UBR2: variants seen among roughly 807,000 people sequenced by gnomAD.
The protein encoded by UBR2 is E3 ubiquitin-protein ligase UBR2.
UBR2 carries 92 observed loss-of-function variants against 247.9 expected under a neutral mutation model. The observed-to-expected ratio is 0.37, with a 90% CI of 0.31 to 0.44. The LOEUF (loss-of-function observed/expected upper bound fraction) is 0.44, where lower values mean the gene tolerates loss of function less well. Ranked by LOEUF, UBR2 falls within the 20% of genes least tolerant of loss-of-function variation. The pLI is 1.00. For missense variants in UBR2, 1,613 were observed against 2,112.6 expected (o/e 0.76, Z 4.64); for synonymous variants, 672 against 693.5 (o/e 0.97, Z 0.49).
chr6:42,590,244 T>C (rs957145039), intron 2 of UBR2, among the ~76,000 whole-genome samples: 1 of 152,234 alleles, frequency 6.6e-6, no homozygotes, highest in African/African-American at 2.4e-5. Context: ...TTTAGACAAA[T>C]CACTAAGATC....
intron 2 of UBR2, among the ~76,000 whole-genome samples, chr6:42,584,790 C>T (rs889657970): frequency 1.3e-5 from 2 of 151,842 alleles, no homozygotes; most frequent in East Asian, 1.9e-4. Context: ...TTTTAGTGTC[C>T]GTTTATTTTC....
intron 17 of UBR2, 97 bp downstream of exon 17, chr6:42,641,789 T>C: frequency 1.1e-6 from 1 of 886,670 alleles, no homozygotes; most frequent in East Asian, 2.8e-5. Context: ...AAGCTGAGTA[T>C]CTATATTAAA....
At chr6:42,622,826 C>T (rs1795080331) in intron 11 of UBR2, among the ~76,000 whole-genome samples, 1 of 146,262 alleles carries the variant, frequency 6.8e-6, no homozygotes, top group Admixed American at 6.9e-5. Context: ...TTCATTTATT[C>T]TAATGGTTTA....
At chr6:42,690,961 C>T in intron 46 of UBR2, 71 bp from the exon 47 acceptor site, 1 of 1,566,928 alleles carries the variant, frequency 6.4e-7, no homozygotes, top group Non-Finnish European at 8.7e-7. Context: ...TTGCCTAAAT[C>T]AGGAAGGGTT....
chr6:42,651,993 C>T (rs761121765), intron 23 of UBR2, 30 bp from the exon 24 acceptor site: 23 of 1,568,968 alleles, frequency 1.5e-5, no homozygotes, highest in Non-Finnish European at 2.0e-5. Context: ...ATTACTAATT[C>T]CCGGTCCAAA....
At chr6:42,690,809 T>C (rs1181568583) in intron 46 of UBR2, among the ~76,000 whole-genome samples, 1 of 152,188 alleles carries the variant, frequency 6.6e-6, no homozygotes, top group East Asian at 1.9e-4. Context: ...GTCTGGTTTG[T>C]GTACCTTTCC....
intron 4 of UBR2, among the ~76,000 whole-genome samples, chr6:42,602,709 T>C (rs2151926809): frequency 6.7e-6 from 1 of 149,040 alleles, no homozygotes; most frequent in South Asian, 2.1e-4. Context: ...TATAAGAATA[T>C]TAAATACATA....
At chr6:42,683,183 C>T in intron 43 of UBR2, 72 bp downstream of exon 43, 3 of 1,265,240 alleles carry the variant, frequency 2.4e-6, no homozygotes, top group Middle Eastern at 1.9e-4. Flanking sequence ...GTGCTATATT[C>T]CTTCAGAAAC....
chr6:42,639,988 A>C (rs1277622551), intron 15 of UBR2, among the ~76,000 whole-genome samples: 1 of 152,222 alleles, frequency 6.6e-6, no homozygotes, highest in Non-Finnish European at 1.5e-5. Flanking sequence ...AGATCGCGCC[A>C]CTGCACTCCA....
At chr6:42,672,796 C>T (rs1798522357) in intron 36 of UBR2, among the ~76,000 whole-genome samples, 1 of 152,144 alleles carries the variant, frequency 6.6e-6, no homozygotes. Flanking sequence ...CTGCCTCCTT[C>T]CCCACTTTCT....
At chr6:42,611,396 G>A (rs1794075040) in intron 7 of UBR2, among the ~76,000 whole-genome samples, 1 of 150,756 alleles carries the variant, frequency 6.6e-6, no homozygotes, top group African/African-American at 2.4e-5. Context: ...GGGAGGCAGA[G>A]GTTACAGTGA....
chr6:42,602,738 G>A (rs990301222), intron 4 of UBR2, among the ~76,000 whole-genome samples: 2 of 143,470 alleles, frequency 1.4e-5, no homozygotes, highest in Non-Finnish European at 3.0e-5. Context: ...TTTGCACTAT[G>A]TTTTATTTTT....
intron 11 of UBR2, among the ~76,000 whole-genome samples, chr6:42,625,953 A>G (rs1488276503): frequency 1.3e-5 from 2 of 151,630 alleles, no homozygotes; most frequent in Non-Finnish European, 2.9e-5. Context: ...AGCTGGGACT[A>G]CAGGCACCCG....
intron 30 of UBR2, among the ~76,000 whole-genome samples, chr6:42,660,988 TTTG>T (rs766065459): frequency 2.0e-4 from 26 of 128,054 alleles, no homozygotes; most frequent in Admixed American, 4.7e-4. Context: ...TGTTTGTTTG[TTTG>T]TTTTTAAAAA....
chr6:42,567,479 C>G (rs1045001156), intron 1 of UBR2, among the ~76,000 whole-genome samples: 5 of 152,070 alleles, frequency 3.3e-5, no homozygotes, highest in Admixed American at 2.6e-4. Flanking sequence ...GCCTGTAATC[C>G]CAGCACTTTG....
intron 30 of UBR2, among the ~76,000 whole-genome samples, chr6:42,660,531 A>G (rs1162452123): frequency 6.6e-6 from 1 of 152,192 alleles, no homozygotes; most frequent in Non-Finnish European, 1.5e-5. Context: ...GGGAATTCCC[A>G]GAGCACTGCT....
intron 11 of UBR2, among the ~76,000 whole-genome samples, chr6:42,631,567 C>T (rs768767233): frequency 6.6e-6 from 1 of 152,036 alleles, no homozygotes; most frequent in African/African-American, 2.4e-5. Flanking sequence ...ATATTTGTTG[C>T]AACATCTTTT....
chr6:42,612,058 A>G, intron 7 of UBR2, 113 bp from the exon 8 acceptor site: 2 of 974,628 alleles, frequency 2.1e-6, no homozygotes, highest in Admixed American at 6.9e-5. Context: ...CATCCATGAA[A>G]AAGTCTCCTA....
chr6:42,582,367 A>C (rs1791967661), intron 2 of UBR2, among the ~76,000 whole-genome samples: 1 of 151,940 alleles, frequency 6.6e-6, no homozygotes, highest in African/African-American at 2.4e-5. Context: ...TCTAGACTGT[A>C]ATAATACAGT....
Sources: gnomAD v4.1 joint callset for allele counts (sites outside exome capture counted in the v4.1 genomes callset) on GRCh38, gnomAD v4.1.1 for gene constraint, MANE v1.5 for transcripts, NCBI Gene and HGNC (gene_info 2026-07-23, HGNC 2026-07-21) for gene names.